The following PRELID2 variants were observed in gnomAD, a reference collection of about 807,000 sequenced individuals.
PRELID2 encodes PRELI domain-containing protein 2.
PRELID2 carries 25 observed loss-of-function variants against 28.4 expected under a neutral mutation model. That is an observed-to-expected ratio of 0.88 (90% CI 0.64 to 1.23). The LOEUF (loss-of-function observed/expected upper bound fraction) is 1.23, where lower values mean the gene tolerates loss of function less well. Ranked by LOEUF, PRELID2 falls within the 50% of genes most tolerant of loss-of-function variation. The pLI, the probability that PRELID2 is intolerant of heterozygous loss-of-function variation, is 0.00. For missense variants in PRELID2, 201 were observed against 214.4 expected, an observed-to-expected ratio of 0.94 and a Z score of 0.39; for synonymous variants, 76 against 71.6, an observed-to-expected ratio of 1.06 and a Z score of -0.31.
intron 1 of PRELID2, among the ~76,000 whole-genome samples, chr5:145,497,407 C>T (rs370408393): frequency 6.6e-6 from 1 of 151,948 alleles, no homozygotes; most frequent in Non-Finnish European, 1.5e-5. Context: ...TTTTCTGTAT[C>T]CTTCCCCCTT....
intron 1 of PRELID2, among the ~76,000 whole-genome samples, chr5:145,709,684 A>G (rs898505301): frequency 1.3e-5 from 2 of 152,112 alleles, no homozygotes; most frequent in African/African-American, 4.8e-5. Flanking sequence ...ACATCAAGAG[A>G]TAGGAGCCAA....
chr5:145,637,646 G>C (rs961057531), intron 1 of PRELID2, among the ~76,000 whole-genome samples: 5 of 152,160 alleles, frequency 3.3e-5, no homozygotes, highest in African/African-American at 1.2e-4. Context: ...AGGCACATGA[G>C]GACCAAGAGA....
chr5:145,778,333 G>A (rs1758549073), intron 5 of PRELID2, among the ~76,000 whole-genome samples: 1 of 152,180 alleles, frequency 6.6e-6, no homozygotes, highest in Admixed American at 6.5e-5. Context: ...TGCCTGCAGA[G>A]AGGAGCTTCT....
the PRELID2 span, among the ~76,000 whole-genome samples, chr5:145,306,711 G>A: frequency 6.6e-6 from 1 of 151,846 alleles, no homozygotes; most frequent in Non-Finnish European, 1.5e-5. Flanking sequence ...TATAACTAGT[G>A]ATTTTTCTGA....
At chr5:145,524,977 T>A (rs1259182154) in intron 1 of PRELID2, among the ~76,000 whole-genome samples, 1 of 152,186 alleles carries the variant, frequency 6.6e-6, no homozygotes, top group Non-Finnish European at 1.5e-5. Flanking sequence ...TATATTTTCC[T>A]CTCTTCACTT....
chr5:145,264,200 A>G, the PRELID2 span, among the ~76,000 whole-genome samples: 1 of 152,220 alleles, frequency 6.6e-6, no homozygotes, highest in Non-Finnish European at 1.5e-5. Context: ...AACAAAAAAA[A>G]CAAAACTACA....
chr5:145,541,201 A>G (rs1403337857), intron 1 of PRELID2, among the ~76,000 whole-genome samples: 3 of 152,108 alleles, frequency 2.0e-5, no homozygotes, highest in Non-Finnish European at 4.4e-5. Context: ...CAGAACAGCA[A>G]AAACAGGAAT....
the PRELID2 span, chr5:145,229,516 G>C: frequency 7.3e-7 from 1 of 1,371,016 alleles, no homozygotes; most frequent in Non-Finnish European, 1.0e-6. Flanking sequence ...GAGTCCCCGT[G>C]AGGGTGACCA....
At chr5:145,242,663 A>T in the PRELID2 span, among the ~76,000 whole-genome samples, 1 of 152,246 alleles carries the variant, frequency 6.6e-6, no homozygotes, top group Non-Finnish European at 1.5e-5. Flanking sequence ...AAAGGTAACC[A>T]ATAGGATGCA....
chr5:145,588,729 C>T (rs1455550280), intron 1 of PRELID2, among the ~76,000 whole-genome samples: 1 of 152,008 alleles, frequency 6.6e-6, no homozygotes, highest in African/African-American at 2.4e-5. Flanking sequence ...ATCTGAGACG[C>T]CTGGATTCTC....
chr5:145,726,515 T>TAGATGGATAAGTAGATGATTAAC (rs1756170980), intron 1 of PRELID2, among the ~76,000 whole-genome samples: 1 of 152,086 alleles, frequency 6.6e-6, no homozygotes, highest in African/African-American at 2.4e-5. Context: ...GATGGATGAA[T>TAGATGGATAAGTAGATGATTAAC]AGATGGATAA....
chr5:145,509,561 A>G (rs1041940927), intron 1 of PRELID2, among the ~76,000 whole-genome samples: 1 of 152,206 alleles, frequency 6.6e-6, no homozygotes, highest in Admixed American at 6.5e-5. Context: ...TCCTTTTGCC[A>G]TCTCTGAAAG....
intron 1 of PRELID2, among the ~76,000 whole-genome samples, chr5:145,699,090 G>A (rs1188083498): frequency 6.6e-6 from 1 of 152,098 alleles, no homozygotes; most frequent in Non-Finnish European, 1.5e-5. Flanking sequence ...AATCTTGGGA[G>A]AAACACAAAC....
At chr5:145,613,318 A>G (rs1753648274) in intron 1 of PRELID2, among the ~76,000 whole-genome samples, 2 of 151,396 alleles carry the variant, frequency 1.3e-5, no homozygotes, top group South Asian at 4.2e-4. Context: ...ATTATACTTT[A>G]AGTTCTAGGG....
chr5:145,644,767 T>C (rs1313421662), intron 1 of PRELID2, among the ~76,000 whole-genome samples: 1 of 152,230 alleles, frequency 6.6e-6, no homozygotes, highest in Non-Finnish European at 1.5e-5. Context: ...TTCATTTCAT[T>C]ACTTACCCAG....
chr5:145,549,547 T>C lies in PRELID2; in HGVS notation n.71-76232A>G, dbSNP rs532013692. Among the ~76,000 whole-genome samples, 593 of 152,268 alleles carry C rather than the reference T, an allele frequency of 3.9e-3. 4 individuals are homozygous for C. The highest frequency in any genetic ancestry group is 0.013 in the African/African-American group (558 of 41,554). On this transcript the variant is annotated intron_variant and non_coding_transcript_variant, in intron 1 of 2. Coordinates refer to the PRELID2 transcript ENST00000510259. ...ACAAAGTGCTGTAATCCCAGCACTT[T>C]GGGATTACAGGCCGAGGCGGACGGA... is the stretch of plus-strand genomic sequence containing the variant.
intron 1 of PRELID2, chr5:145,729,052 A>G: frequency 4.8e-6 from 3 of 622,068 alleles, no homozygotes; most frequent in Non-Finnish European, 5.8e-6. Flanking sequence ...TACATAATAA[A>G]TGCCTTAAGA....
chr5:145,269,899 CATACATACATACAT>C, the PRELID2 span, among the ~76,000 whole-genome samples: 1 of 148,298 alleles, frequency 6.7e-6, no homozygotes. Context: ...TATACACACA[CATACATACATACAT>C]ATATATACTA....
intron 1 of PRELID2, among the ~76,000 whole-genome samples, chr5:145,624,168 C>T (rs1436855725): frequency 6.6e-6 from 1 of 152,198 alleles, no homozygotes; most frequent in African/African-American, 2.4e-5. Context: ...TCCACGGCTT[C>T]TCAGAGCATA....
Sources: gnomAD v4.1 joint callset for allele counts (sites outside exome capture counted in the v4.1 genomes callset) on GRCh38, gnomAD v4.1.1 for gene constraint, MANE v1.5 for transcripts, NCBI Gene and HGNC (gene_info 2026-07-23, HGNC 2026-07-21) for gene names.